DNASE1: variants seen among roughly 807,000 people sequenced by gnomAD.
The protein encoded by DNASE1 is deoxyribonuclease-1.
Under a neutral mutation model 33.9 loss-of-function variants are expected in DNASE1, and 40 were observed. The ratio of observed to expected loss-of-function variants is 1.18; its 90% CI spans 0.92 to 1.54. The LOEUF (loss-of-function observed/expected upper bound fraction) is 1.54. DNASE1 is among the 40% of genes most tolerant of loss of function. The pLI is 0.00. For synonymous variants in DNASE1, 216 were observed against 160.0 expected (o/e 1.35, Z -2.64); for missense variants, 518 against 372.6 (o/e 1.39, Z -3.21).
intron 1 of DNASE1, among the ~76,000 whole-genome samples, chr16:3,615,673 TG>T (rs2041075926): frequency 6.6e-6 from 1 of 152,208 alleles, no homozygotes; most frequent in Admixed American, 6.5e-5. Context: ...CAGAAGTACA[TG>T]AAAAAACTGT....
downstream of DNASE1, chr16:3,658,431 T>A (rs2042852402): frequency 1.7e-6 from 1 of 603,256 alleles, no homozygotes; most frequent in South Asian, 2.0e-5. Flanking sequence ...TTTTTCCGTT[T>A]TTAAAACAGA....
chr16:3,660,284 C>A (rs2042995947), downstream of DNASE1: 1 of 152,118 alleles, frequency 6.6e-6, no homozygotes, highest in Non-Finnish European at 1.5e-5. Context: ...GAAATTTTCC[C>A]CTGTAAGCAG....
intron 1 of DNASE1, 100 bp downstream of exon 1, chr16:3,655,144 A>G (rs2042510331): frequency 1.1e-5 from 7 of 613,406 alleles, no homozygotes; most frequent in African/African-American, 1.8e-5. Context: ...CGGAGGCTCC[A>G]GCGTCCCTCC....
chr16:3,628,021 A>C (rs2041574348), intron 1 of DNASE1, among the ~76,000 whole-genome samples: 1 of 151,406 alleles, frequency 6.6e-6, no homozygotes, highest in South Asian at 2.1e-4. Flanking sequence ...GGGAGTATTG[A>C]CATCTTAACA....
intron 1 of DNASE1, among the ~76,000 whole-genome samples, chr16:3,630,811 G>T (rs1567192469): frequency 6.6e-6 from 1 of 151,836 alleles, no homozygotes; most frequent in Non-Finnish European, 1.5e-5. Flanking sequence ...AATCTAGCCT[G>T]AGCAACATAG....
intron 1 of DNASE1, among the ~76,000 whole-genome samples, chr16:3,645,672 G>T (rs1038605510): frequency 2.6e-5 from 4 of 152,226 alleles, no homozygotes; most frequent in African/African-American, 9.6e-5. Context: ...TTCCATAGCA[G>T]GCCGGGTTGG....
At chr16:3,644,382 G>C (rs1278883991) in intron 1 of DNASE1, among the ~76,000 whole-genome samples, 1 of 152,134 alleles carries the variant, frequency 6.6e-6, no homozygotes, top group Non-Finnish European at 1.5e-5. Context: ...GGCCAACATG[G>C]TAAAACCTTC....
chr16:3,638,661 C>G (rs1452255652), upstream of DNASE1, among the ~76,000 whole-genome samples: 3 of 152,268 alleles, frequency 2.0e-5, no homozygotes, highest in African/African-American at 7.2e-5. Context: ...TATTGACTTT[C>G]TTGGATGTGT....
chr16:3,651,740 C>A (rs953901305), upstream of DNASE1: 41 of 152,794 alleles, frequency 2.7e-4, no homozygotes, highest in Non-Finnish European at 2.9e-4. Flanking sequence ...GCCCAGGCAG[C>A]AGAGCCACCC....
chr16:3,662,181 A>G, downstream of DNASE1: 1 of 1,576,326 alleles, frequency 6.3e-7, no homozygotes, highest in South Asian at 1.2e-5. Context: ...CCAATGTGAG[A>G]GGGCTGGCAG....
At chr16:3,625,884 T>C (rs1225304364) in intron 1 of DNASE1, among the ~76,000 whole-genome samples, 1 of 152,120 alleles carries the variant, frequency 6.6e-6, no homozygotes, top group Non-Finnish European at 1.5e-5. Flanking sequence ...AGGATCGCTT[T>C]AGCCCAGGAG....
At chr16:3,658,988 A>G, downstream of DNASE1, 1 of 928,944 alleles carries the variant, frequency 1.1e-6, no homozygotes, top group South Asian at 1.6e-5. Context: ...TTTTTTAAAT[A>G]AGGTATGTTA....
chr16:3,617,698 C>T (rs2041158526), intron 1 of DNASE1, among the ~76,000 whole-genome samples: 1 of 152,134 alleles, frequency 6.6e-6, no homozygotes, highest in Non-Finnish European at 1.5e-5. Flanking sequence ...GTAATCCCAG[C>T]ACTTTGGAAG....
Position 3,617,326 on chromosome 16 carries a change from C to CAAAAAAAAAAAAAAA in DNASE1, c.-1359+5333_-1359+5347dup, listed in dbSNP as rs56670885. ...AGTCAACAAGAGCGAAACTCCATCTCAAAAAAAAAAAAAAAAAAAAAAAAA... is the reference window on the plus strand; with the variant it reads ...AGTCAACAAGAGCGAAACTCCATCTCAAAAAAAAAAAAAAAAAAAAAAAAAAAAAAAAAAAAAAAA... On this transcript the variant is annotated intron_variant and NMD_transcript_variant, in intron 1 of 11. Transcript: ENST00000570769. Among the ~76,000 whole-genome samples, 50 of 57,710 alleles carry CAAAAAAAAAAAAAAA rather than the reference C, an allele frequency of 8.7e-4. 1 individual carries two copies. Among genetic ancestry groups the CAAAAAAAAAAAAAAA allele is most frequent in the African/African-American group, 2.8e-3 (36 of 12,918 alleles). The allele number at this position is 57,710 out of a possible 152,430, so 37.9% of individuals were successfully genotyped here.
chr16:3,662,118 C>T (rs1366335059), downstream of DNASE1: 3 of 1,612,438 alleles, frequency 1.9e-6, no homozygotes, highest in Non-Finnish European at 2.5e-6. Flanking sequence ...GGTGGGTGTC[C>T]AGTCGGAGGG....
chr16:3,631,849 G>A (rs891566922), intron 1 of DNASE1, among the ~76,000 whole-genome samples: 1 of 152,038 alleles, frequency 6.6e-6, no homozygotes, highest in Non-Finnish European at 1.5e-5. Flanking sequence ...CTAATTACCT[G>A]CATTATTGTC....
At chr16:3,656,855 T>C in intron 5 of DNASE1, 102 bp downstream of exon 5, 9 of 1,537,322 alleles carry the variant, frequency 5.9e-6, no homozygotes, top group South Asian at 2.4e-5. Context: ...GCCCTCCCAG[T>C]CCCTGGGGCT....
At chr16:3,632,549 C>T (rs557198416) in intron 1 of DNASE1, among the ~76,000 whole-genome samples, 2 of 151,262 alleles carry the variant, frequency 1.3e-5, no homozygotes, top group African/African-American at 4.8e-5. Flanking sequence ...TTTTTGATTC[C>T]TGCTATGTCT....
intron 1 of DNASE1, among the ~76,000 whole-genome samples, chr16:3,621,284 G>C (rs1050936521): frequency 1.3e-5 from 2 of 151,918 alleles, no homozygotes; most frequent in African/African-American, 4.8e-5. Flanking sequence ...ATGGGGTCTT[G>C]CTATCTTGCC....
Sources: gnomAD v4.1 joint callset for allele counts (sites outside exome capture counted in the v4.1 genomes callset) on GRCh38, gnomAD v4.1.1 for gene constraint, MANE v1.5 for transcripts, NCBI Gene and HGNC (gene_info 2026-07-23, HGNC 2026-07-21) for gene names.